Variants in CTPS2 observed in about 807,000 individuals in gnomAD.
CTPS2 encodes the protein CTP synthase 2.
CTPS2 carries 19 observed loss-of-function variants against 46.8 expected under a neutral mutation model. That is an observed-to-expected ratio of 0.41 (90% CI 0.28 to 0.60). The LOEUF (loss-of-function observed/expected upper bound fraction) is 0.60. Among genes scored for constraint, CTPS2 ranks in the 20% least tolerant of loss-of-function variants. The pLI is 0.35. For missense variants in CTPS2, 286 were observed against 447.6 expected (o/e 0.64, Z 3.26); for synonymous variants, 151 against 165.2 (o/e 0.91, Z 0.66).
Position 16,708,863 on chromosome X carries a change from C to A in CTPS2, c.-40+3472G>T, listed in dbSNP as rs1056131608. On this transcript the variant is annotated intron_variant, in intron 1 of 18. Coordinates refer to ENST00000359276, the MANE Select transcript of CTPS2 (RefSeq NM_175859.3). ...TAAATTTTTGTATAAGAAAATGCTT[C>A]TTTGGGAGGCTGAGGCAGGCGGATC... Among the ~76,000 whole-genome samples the A allele has an allele frequency of 2.7e-5, 3 of 112,071 alleles. 1 individual carries two copies. In the East Asian group the frequency reaches 8.3e-4, roughly 31 times the overall value.
chrX:16,662,012 A>ATATATATATATATATATATATATG (rs1555967619), intron 13 of CTPS2, among the ~76,000 whole-genome samples: 4,378 of 105,094 alleles, frequency 0.042, 130 homozygotes, highest in Non-Finnish European at 0.055. Flanking sequence ...ATATATATAT[A>ATATATATATATATATATATATATG]TGCCTCAAAA....
At chrX:16,627,362 G>T (rs1000737428) in intron 14 of CTPS2, among the ~76,000 whole-genome samples, 5 of 112,278 alleles carry the variant, frequency 4.5e-5, no homozygotes, top group African/African-American at 6.5e-5. Context: ...TATTTCGCTT[G>T]CAGAGTGCTG....
chrX:16,650,963 CT>C, intron 13 of CTPS2: 1 of 1,167,462 alleles, frequency 8.6e-7, no homozygotes, highest in Non-Finnish European at 1.2e-6. Context: ...TGTACTTCAG[CT>C]TTTTGGTAAG....
intron 10 of CTPS2, 131 bp downstream of exon 10, chrX:16,678,231 C>T: frequency 1.9e-6 from 1 of 516,003 alleles, no homozygotes; most frequent in Non-Finnish European, 3.5e-6. Flanking sequence ...GAACAATCAC[C>T]TGCAAAGACC....
chrX:16,639,286 T>C, intron 13 of CTPS2, 43 bp from the exon 14 acceptor site: 3 of 976,201 alleles, frequency 3.1e-6, no homozygotes, highest in Non-Finnish European at 2.9e-6. Flanking sequence ...CTTGTAAAAA[T>C]GTCATTTCCC....
chrX:16,701,956 T>C (rs774772291), intron 2 of CTPS2, among the ~76,000 whole-genome samples: 28 of 111,615 alleles, frequency 2.5e-4, no homozygotes, highest in African/African-American at 9.1e-4. Flanking sequence ...GTTCATTTAA[T>C]GAAAATTCAT....
At chrX:16,630,252 T>C in intron 14 of CTPS2, among the ~76,000 whole-genome samples, 1 of 49,231 alleles carries the variant, frequency 2.0e-5, no homozygotes, top group East Asian at 4.1e-4. Context: ...TTGTGTTGTA[T>C]TTTTTTTTTT....
intron 16 of CTPS2, among the ~76,000 whole-genome samples, chrX:16,612,460 C>G (rs1930310654): frequency 8.9e-6 from 1 of 112,080 alleles, no homozygotes; most frequent in Non-Finnish European, 1.9e-5. Flanking sequence ...GATGAAAGAA[C>G]CTTCTAAGTA....
At chrX:16,622,942 A>C (rs1217356676) in intron 14 of CTPS2, among the ~76,000 whole-genome samples, 1 of 111,970 alleles carries the variant, frequency 8.9e-6, no homozygotes, top group African/African-American at 3.2e-5. Flanking sequence ...ATAGAGTTGT[A>C]AGGATTAAAT....
chrX:16,648,301 G>A (rs928346955), intron 13 of CTPS2, among the ~76,000 whole-genome samples: 3 of 111,393 alleles, frequency 2.7e-5, no homozygotes, highest in Non-Finnish European at 5.6e-5. Flanking sequence ...AGGTGCTCAG[G>A]GGGGAAGCAT....
chrX:16,674,074 G>A (rs1921999952), intron 10 of CTPS2, among the ~76,000 whole-genome samples: 1 of 109,743 alleles, frequency 9.1e-6, no homozygotes, highest in Non-Finnish European at 1.9e-5. Flanking sequence ...AAAGTGAAAT[G>A]TGTTTTTAGT....
intron 10 of CTPS2, among the ~76,000 whole-genome samples, chrX:16,676,832 C>T (rs754255407): frequency 9.0e-6 from 1 of 110,895 alleles, no homozygotes. Context: ...GAGGCCAAGG[C>T]GGGTGGATAA....
intron 1 of CTPS2, among the ~76,000 whole-genome samples, chrX:16,710,805 G>A (rs1925411107): frequency 1.8e-5 from 2 of 111,959 alleles, no homozygotes. Flanking sequence ...CTTTAGTAGA[G>A]ACAGGGTTTC....
intron 17 of CTPS2, among the ~76,000 whole-genome samples, chrX:16,596,173 C>A (rs1929244570): frequency 9.6e-6 from 1 of 104,173 alleles, no homozygotes; most frequent in Admixed American, 1.0e-4. Flanking sequence ...CATGCCTCGC[C>A]AAAAGTTTTT....
chrX:16,607,342 G>A (rs914350597), intron 17 of CTPS2, among the ~76,000 whole-genome samples: 6 of 112,449 alleles, frequency 5.3e-5, no homozygotes, highest in Non-Finnish European at 1.9e-5. Flanking sequence ...CATAAGCTGT[G>A]CAGTCTCAGA....
intron 10 of CTPS2, among the ~76,000 whole-genome samples, chrX:16,676,888 G>A (rs765570134): frequency 1.0e-4 from 11 of 110,355 alleles, no homozygotes; most frequent in Admixed American, 2.9e-4. Flanking sequence ...GGTGAAACCC[G>A]TCTTTACTAA....
At chrX:16,654,699 C>A in intron 13 of CTPS2, 1 of 244,873 alleles carries the variant, frequency 4.1e-6, no homozygotes, top group Non-Finnish European at 7.3e-6. Context: ...GACCTCATAA[C>A]ATAATAGACT....
intron 13 of CTPS2, among the ~76,000 whole-genome samples, chrX:16,661,186 C>T (rs1220525285): frequency 9.0e-6 from 1 of 111,211 alleles, no homozygotes; most frequent in African/African-American, 3.3e-5. Flanking sequence ...TCTCAAACTC[C>T]TGACCTCAGG....
In CTPS2 at chrX:16,694,985, G is replaced by A. The variant is rs1212635905; in HGVS notation, c.439-1498C>T. ...CACTCCAGCCTAGGGAACAGAGTAA[G>A]ACACTGTCTCTTTAAAAAACAACAA... On this transcript the variant is annotated intron_variant, in intron 4 of 18. Transcript: ENST00000359276. Among the ~76,000 whole-genome samples, 3 of 98,669 alleles carry A rather than the reference G, an allele frequency of 3.0e-5. No individual in the cohort carries two copies. The East Asian group carries it at 9.4e-4, about 31-fold the overall frequency. 85.7% of individuals were successfully genotyped at this position (98,669 alleles called of 115,157 possible).
Sources: gnomAD v4.1 joint callset for allele counts (sites outside exome capture counted in the v4.1 genomes callset) on GRCh38, gnomAD v4.1.1 for gene constraint, MANE v1.5 for transcripts, NCBI Gene and HGNC (gene_info 2026-07-23, HGNC 2026-07-21) for gene names.